DISP3: variants seen among roughly 807,000 people sequenced by gnomAD.
The protein encoded by DISP3 is protein dispatched homolog 3.
A neutral mutation model predicts 135.3 loss-of-function variants in DISP3; 101 were observed. The observed-to-expected ratio is 0.75, with a 90% confidence interval of 0.64 to 0.88. The LOEUF is 0.88. DISP3 is among the 40% of genes least tolerant of loss of function. DISP3 has a pLI of 0.00. For missense variants in DISP3, 1,713 were observed against 1,878.6 expected (o/e 0.91, Z 1.63); for synonymous variants, 856 against 817.0 (o/e 1.05, Z -0.81).
Position 11,516,866 on chromosome 1 carries a change from CTG to C in DISP3, c.1750-592_1750-591del, listed in dbSNP as rs1162270696. 1.3e-5 allele frequency among the ~76,000 whole-genome samples: 2 copies of C among 152,146 alleles called. No individual in the cohort carries two copies. Among genetic ancestry groups the C allele is most frequent in the African/African-American group, 4.8e-5 (2 of 41,436 alleles). ...CTTCTGCAGTGTGACCTTGGGCAGG[CTG>C]TGTGACCTCTCTGAGCCTCGCTTTC... On this transcript the variant is annotated intron_variant, in intron 6 of 20. Transcript: ENST00000294484. This position sits in a 1 kb window ranked among gnomAD's most constrained non-coding sequence, Gnocchi z 5.1.
chr1:11,494,420 A>C (rs1244505363), intron 1 of DISP3, among the ~76,000 whole-genome samples: 1 of 152,090 alleles, frequency 6.6e-6, no homozygotes, highest in Non-Finnish European at 1.5e-5. Context: ...GTGCCTCTCC[A>C]GCCTCCTGGC....
At position 11,501,665 on chromosome 1, in the gene DISP3, C is replaced by T. The variant is rs1641528777; in HGVS notation, c.673C>T (p.Arg225Trp). 1.9e-6 allele frequency: 3 copies of T among 1,607,908 alleles called. No individual in the cohort carries two copies. Among genetic ancestry groups the T allele is most frequent in the East Asian group, 2.2e-5 (1 of 44,702 alleles). Reference protein sequence around the residue: ...ANQSEDPRNQRLSKNGRYQPS... With the variant: ...ANQSEDPRNQWLSKNGRYQPS... ...CCAGAGTGAAGACCCGCGAAACCAG[C>T]GGCTGAGCAAGAATGGGCGGTACCA... The change falls in exon 2 of 21, where the codon CGG (arginine) becomes TGG (tryptophan). Residue 225 changes from arginine to tryptophan, a missense_variant. By Grantham distance (101) the Arg-to-Trp change is moderately radical. Transcript: ENST00000294484. The surrounding 1 kb of genome is among the most constrained non-coding windows in gnomAD (Gnocchi z 4.9).
chr1:11,532,583 G>A (rs1433188842), intron 17 of DISP3, among the ~76,000 whole-genome samples: 1 of 152,200 alleles, frequency 6.6e-6, no homozygotes, highest in Non-Finnish European at 1.5e-5. Flanking sequence ...AGCCCTCAGC[G>A]AGCCCCCAGG....
At chr1:11,535,440 G>T in intron 19 of DISP3, 38 bp from the exon 20 acceptor site, 1 of 1,571,888 alleles carries the variant, frequency 6.4e-7, no homozygotes. Context: ...CCTCCAGGGC[G>T]GGGGATCCGA....
At position 11,517,488 on chromosome 1, in the gene DISP3, T is replaced by C; in HGVS notation, c.1775T>C (p.Leu592Pro). Residue 592 changes from leucine to proline, a missense_variant, in exon 7 of 21, where the codon CTG (leucine) becomes CCG (proline). Leu to Pro is a moderately conservative substitution (Grantham distance 98). Around this residue, in one of 2 missense-constraint regions of DISP3, gnomAD observed 1,142 missense variants for 1,384.6 expected, o/e 0.82. Coordinates refer to ENST00000294484, the MANE Select transcript of DISP3 (RefSeq NM_020780.2). ...ATCCCAGCCGTCCACGACTTTGGCC[T>C]GTTCATGTCTCTCATCGTGTCCTGT... is the stretch of plus-strand genomic sequence containing the variant. ...SQIPAVHDFG[L>P]FMSLIVSCCW... The C allele has an allele frequency of 6.2e-7, 1 of 1,614,228 alleles. No homozygotes were observed. Among genetic ancestry groups the C allele is most frequent in the African/African-American group, 1.3e-5 (1 of 75,072 alleles).
intron 3 of DISP3, among the ~76,000 whole-genome samples, chr1:11,507,379 T>TA (rs1255950916): frequency 1.2e-4 from 19 of 152,224 alleles, no homozygotes; most frequent in Middle Eastern, 6.8e-3. Flanking sequence ...CAAAAGCTGC[T>TA]AAAAAAAATC....
At chr1:11,490,509 T>A (rs1401566272) in intron 1 of DISP3, among the ~76,000 whole-genome samples, 2 of 152,232 alleles carry the variant, frequency 1.3e-5, no homozygotes, top group Non-Finnish European at 2.9e-5. Flanking sequence ...CCTCGGGTGA[T>A]CTGCCCGCGT....
Position 11,531,042 on chromosome 1 carries a change from G to C in DISP3, c.3229+9G>C. On this transcript the variant is annotated intron_variant, in intron 16 of 20. Transcript: ENST00000294484. This position sits in a 1 kb window ranked among gnomAD's most constrained non-coding sequence, Gnocchi z 5.2. ...CCAGTGCCTGCCTTCAGGTGCGTGGGGTGTGGGGAGCTGGTTCCTCCGAGG... is the reference window on the plus strand; with the variant it reads ...CCAGTGCCTGCCTTCAGGTGCGTGGCGTGTGGGGAGCTGGTTCCTCCGAGG... The C allele has an allele frequency of 6.2e-7, 1 of 1,613,096 alleles. No individual in the cohort carries two copies. The highest frequency in any genetic ancestry group is 1.1e-5 in the South Asian group (1 of 91,052).
rs777322447 is a variant in DISP3 at position 11,536,506 on chromosome 1, G to C, written c.3999G>C (p.Thr1333=). 17 of 1,613,182 alleles carry C rather than the reference G, an allele frequency of 1.1e-5. No homozygotes were observed. The highest frequency in any genetic ancestry group is 1.4e-5 in the Non-Finnish European group (17 of 1,179,982). The part of the protein sequence containing the change: ...ALNTGVSILY[T]LTVSTALLGI... ...ACACGGGCGTGTCCATCCTCTACAC[G>C]CTGACCGTCAGCACCGCCCTGCTGG... Residue 1333 remains threonine, a synonymous_variant, in exon 21 of 21, where the codon ACG becomes ACC. Coordinates refer to ENST00000294484, the MANE Select transcript of DISP3 (RefSeq NM_020780.2). The surrounding 1 kb of genome is among the most constrained non-coding windows in gnomAD (Gnocchi z 4.3).
At chr1:11,489,119 A>G (rs1261667043) in intron 1 of DISP3, among the ~76,000 whole-genome samples, 1 of 152,194 alleles carries the variant, frequency 6.6e-6, no homozygotes. Flanking sequence ...CCAAGTTCTC[A>G]GAGGGAAAGA....
In DISP3 at chr1:11,519,463, G is replaced by A; in HGVS notation, c.1998G>A (p.Leu666=). ...GSPAQGPIPY[L]DDDIPLLEVE... ...CTGCCCAGGGCCCCATACCCTACCT[G>A]GATGATGACATCCCCTTGCTGGAGG... Residue 666 remains leucine (L), a synonymous_variant, in exon 8 of 21, where the codon CTG becomes CTA. Transcript: ENST00000294484. The surrounding 1 kb of genome is among the most constrained non-coding windows in gnomAD (Gnocchi z 4.3). 1.9e-6 allele frequency: 3 copies of A among 1,613,760 alleles called. No homozygotes were observed. Among genetic ancestry groups the A allele is most frequent in the South Asian group, 2.2e-5 (2 of 91,072 alleles).
intron 7 of DISP3, 35 bp downstream of exon 7, chr1:11,517,637 A>G: frequency 1.2e-6 from 2 of 1,608,514 alleles, no homozygotes; most frequent in Non-Finnish European, 1.7e-6. Flanking sequence ...ACAGCAGGGT[A>G]TCCACAACAG....
intron 1 of DISP3, among the ~76,000 whole-genome samples, chr1:11,482,172 G>A (rs1332837593): frequency 6.6e-6 from 1 of 152,148 alleles, no homozygotes; most frequent in African/African-American, 2.4e-5. Context: ...GTCCTCAAAG[G>A]CGGTGGATGG....
chr1:11,498,046 G>T (rs1044580932), intron 1 of DISP3, among the ~76,000 whole-genome samples: 1 of 152,210 alleles, frequency 6.6e-6, no homozygotes, highest in African/African-American at 2.4e-5. Flanking sequence ...CTGGGAGGTG[G>T]AGTGGCTGGG....
chr1:11,521,172 C>G (rs368513601), intron 10 of DISP3, among the ~76,000 whole-genome samples: 36 of 151,724 alleles, frequency 2.4e-4, no homozygotes, highest in African/African-American at 8.7e-4. Flanking sequence ...TAGAGGCCCA[C>G]GTCATGGAAG....
intron 1 of DISP3, among the ~76,000 whole-genome samples, chr1:11,496,209 G>A (rs959187084): frequency 2.0e-5 from 3 of 152,018 alleles, no homozygotes; most frequent in African/African-American, 4.8e-5. Flanking sequence ...TTCCTTATGA[G>A]GCTCCCTAGG....
chr1:11,531,731 TG>T lies in DISP3; in HGVS notation c.3375+24del. 6.3e-7 allele frequency: 1 copy of T among 1,580,368 alleles called. No individual in the cohort carries two copies. Among genetic ancestry groups the T allele is most frequent in the Non-Finnish European group, 8.6e-7 (1 of 1,162,758 alleles). ...AGTCGGTGAGCCCAGGCAGCCTCAC[TG>T]GGTGCCATGCTGCGTACTTGCCCGG... On this transcript the variant is annotated intron_variant, in intron 17 of 20. Coordinates refer to ENST00000294484, the MANE Select transcript of DISP3 (RefSeq NM_020780.2). This position sits in a 1 kb window ranked among gnomAD's most constrained non-coding sequence, Gnocchi z 5.2.
At position 11,520,901 on chromosome 1, in the gene DISP3, AGAC is replaced by A; in HGVS notation, c.2362+54_2362+56del. On this transcript the variant is annotated intron_variant, in intron 10 of 20. Coordinates refer to ENST00000294484, the MANE Select transcript of DISP3 (RefSeq NM_020780.2). This position sits in a 1 kb window ranked among gnomAD's most constrained non-coding sequence, Gnocchi z 4.8. ...GCCCGCTCAGGTGTCCGGGTCCCAA[AGAC>A]TGTTGGTCTGAGAGATGCAGGATCC... 6.6e-7 allele frequency: 1 copy of A among 1,525,350 alleles called. No individual in the cohort carries two copies. Among genetic ancestry groups the A allele is most frequent in the Non-Finnish European group, 8.8e-7 (1 of 1,130,182 alleles). The allele number at this position is 1,525,350 out of a possible 1,614,324, so 94.5% of individuals were successfully genotyped here. A position where few individuals can be genotyped will look rare whatever the true frequency, so the allele number is the denominator to read the frequency against.
At position 11,531,590 on chromosome 1, in the gene DISP3, G is replaced by A; in HGVS notation, c.3255G>A (p.Gln1085=). Residue 1085 remains glutamine, a synonymous_variant, in exon 17 of 21, where the codon CAG becomes CAA. Coordinates refer to ENST00000294484, the MANE Select transcript of DISP3 (RefSeq NM_020780.2). This position sits in a 1 kb window ranked among gnomAD's most constrained non-coding sequence, Gnocchi z 5.2. ...GCTACAGCATCTCCTCCTTCCTGCA[G>A]ATGTTGCACCCTGAGTGCAAGGAGC... ...PSGYSISSFL[Q]MLHPECKELP... 6.2e-7 allele frequency: 1 copy of A among 1,613,626 alleles called. No individual in the cohort carries two copies. The highest frequency in any genetic ancestry group is 1.3e-5 in the African/African-American group (1 of 75,060).
Sources: gnomAD v4.1 joint callset for allele counts (sites outside exome capture counted in the v4.1 genomes callset) on GRCh38, gnomAD v4.1.1 for gene constraint, gnomAD v4.1.1 regional missense constraint, Gnocchi (gnomAD v3.1) non-coding constraint, MANE v1.5 for transcripts, NCBI Gene and HGNC (gene_info 2026-07-23, HGNC 2026-07-21) for gene names.